Variants in SANBR observed in about 807,000 individuals in gnomAD.
SANBR encodes SANT and BTB domain regulator of CSR, also known as SANT and BTB domain regulator of class switch recombination.
In SANBR, 77 loss-of-function variants were observed where a neutral mutation model predicts 101.8. The ratio of observed to expected loss-of-function variants is 0.76; its 90% CI spans 0.63 to 0.91. The LOEUF is 0.91. SANBR is among the 40% of genes least tolerant of loss of function. SANBR has a pLI of 0.00. For missense variants in SANBR, 875 were observed against 853.0 expected (o/e 1.03, Z -0.32); for synonymous variants, 279 against 274.7 (o/e 1.02, Z -0.15).
intron 8 of SANBR, among the ~76,000 whole-genome samples, chr2:61,086,198 C>T (rs1220129337): frequency 6.6e-6 from 1 of 151,696 alleles, no homozygotes; most frequent in Non-Finnish European, 1.5e-5. Context: ...TCTTCTTGCT[C>T]AGTCACCCAA....
chr2:61,093,803 CA>C (rs1682895283), intron 11 of SANBR, among the ~76,000 whole-genome samples: 1 of 152,030 alleles, frequency 6.6e-6, no homozygotes, highest in Non-Finnish European at 1.5e-5. Flanking sequence ...ATTTTGTTCC[CA>C]AAAAGTTTTT....
intron 8 of SANBR, among the ~76,000 whole-genome samples, chr2:61,083,831 T>G (rs930246310): frequency 2.0e-5 from 3 of 149,904 alleles, no homozygotes; most frequent in Admixed American, 2.0e-4. Context: ...ATCACGCCAC[T>G]GCACTCCAGC....
chr2:61,094,022 G>A (rs566810123), intron 11 of SANBR: 14 of 907,068 alleles, frequency 1.5e-5, no homozygotes, highest in South Asian at 1.0e-4. Flanking sequence ...TGTCACTTGC[G>A]TAATGATTTT....
intron 12 of SANBR, among the ~76,000 whole-genome samples, chr2:61,100,727 AG>A (rs1220098544): frequency 9.2e-5 from 14 of 152,170 alleles, no homozygotes; most frequent in Non-Finnish European, 1.5e-5. Context: ...CCAGGGTTTG[AG>A]GGGAGTATGG....
Position 61,088,487 on chromosome 2 carries a change from A to G in SANBR, c.1088+19A>G. On this transcript the variant is annotated intron_variant, in intron 10 of 21. Coordinates refer to ENST00000402291, the MANE Select transcript of SANBR (RefSeq NM_001129993.3). Reference sequence around the variant, plus strand: ...ACATAAGGTGTCGTGAAGATAAAATACATACATGTATTTTTGTATATATAT... The same window carrying G: ...ACATAAGGTGTCGTGAAGATAAAATGCATACATGTATTTTTGTATATATAT... 1 of 1,472,582 alleles carries G rather than the reference A, an allele frequency of 6.8e-7. No individual in the cohort carries two copies. Among genetic ancestry groups the G allele is most frequent in the Non-Finnish European group, 9.3e-7 (1 of 1,073,616 alleles). 91.2% of individuals were successfully genotyped at this position (1,472,582 alleles called of 1,614,324 possible).
intron 1 of SANBR, among the ~76,000 whole-genome samples, chr2:61,067,099 C>T (rs1353313710): frequency 6.6e-6 from 1 of 152,106 alleles, no homozygotes; most frequent in African/African-American, 2.4e-5. Context: ...AAGGATTATC[C>T]ATCAATGCTA....
chr2:61,137,990 ATGTAT>A (rs1684898913), exon 22 of SANBR: 1 of 152,192 alleles, frequency 6.6e-6, no homozygotes, highest in African/African-American at 2.4e-5. Flanking sequence ...CTCAGTAGTA[ATGTAT>A]TCTATTAATC....
intron 11 of SANBR, 30 bp from the exon 12 acceptor site, chr2:61,097,670 A>T (rs752532999): frequency 2.7e-6 from 4 of 1,486,634 alleles, no homozygotes; most frequent in Non-Finnish European, 3.7e-6. Context: ...TTGTGGAAAT[A>T]GTAGTTGATT....
In SANBR at chr2:61,112,149, G is replaced by T. The variant is rs1036079088; in HGVS notation, c.1744+2853G>T. On this transcript the variant is annotated intron_variant, in intron 16 of 21. Coordinates refer to ENST00000402291, the MANE Select transcript of SANBR (RefSeq NM_001129993.3). ...AATTGTTTTGCAAAGTGGCCGTTTT[G>T]CATCTCTACAAGCAGTGGAGCAGTC... 2.6e-5 allele frequency among the ~76,000 whole-genome samples: 4 copies of T among 152,128 alleles called. No homozygotes were observed. In the South Asian group the frequency reaches 8.3e-4, roughly 32 times the overall value.
rs528247443 is a variant in SANBR, at chr2:61,077,389, A to G, written c.670+231A>G. Among the ~76,000 whole-genome samples the G allele has an allele frequency of 2.6e-5, 4 of 152,324 alleles. No homozygotes were observed. In the East Asian group the frequency reaches 7.7e-4, roughly 29 times the overall value. ...GTTCCCAATGTATGGTGTATGGACCAGTGGGATACTAGGGACCCTTTTAGA... is the reference window on the plus strand; with the variant it reads ...GTTCCCAATGTATGGTGTATGGACCGGTGGGATACTAGGGACCCTTTTAGA... On this transcript the variant is annotated intron_variant, in intron 6 of 21. Coordinates refer to ENST00000402291, the MANE Select transcript of SANBR (RefSeq NM_001129993.3).
chr2:61,109,357 C>A, intron 16 of SANBR, 61 bp downstream of exon 16: 2 of 928,766 alleles, frequency 2.2e-6, no homozygotes, highest in Non-Finnish European at 3.3e-6. Context: ...ATTCTGAAGC[C>A]TTTAATGCAA....
chr2:61,088,497 A>ATT (rs1410418240), intron 10 of SANBR, 29 bp downstream of exon 10: 1 of 1,301,540 alleles, frequency 7.7e-7, no homozygotes, highest in Admixed American at 2.2e-5. Context: ...ACATACATGT[A>ATT]TTTTTGTATA....
At chr2:61,114,024 A>T (rs547365178) in intron 16 of SANBR, among the ~76,000 whole-genome samples, 1 of 152,120 alleles carries the variant, frequency 6.6e-6, no homozygotes, top group East Asian at 1.9e-4. Context: ...TATTGTATCA[A>T]TTAGGTACAT....
chr2:61,080,109 A>G (rs1325124719), intron 6 of SANBR, among the ~76,000 whole-genome samples: 2 of 150,016 alleles, frequency 1.3e-5, no homozygotes, highest in African/African-American at 2.5e-5. Flanking sequence ...AGGCAGGAGA[A>G]TCGCTTGAAA....
In SANBR at chr2:61,121,174, T is replaced by A. The variant is rs1205869678; in HGVS notation, c.2029-11T>A. The A allele has an allele frequency of 6.5e-7, 1 of 1,542,388 alleles. No homozygotes were observed. The highest frequency in any genetic ancestry group is 8.8e-7 in the Non-Finnish European group (1 of 1,138,896). The stretch of plus-strand genomic sequence containing the variant: ...CTGTGAAGATAACAGTATTGCTTCT[T>A]TATTCTGCAGTTTGCAGGAGGTATT... On this transcript the variant is annotated splice_polypyrimidine_tract_variant and intron_variant, in intron 20 of 21. Coordinates refer to ENST00000402291, the MANE Select transcript of SANBR (RefSeq NM_001129993.3).
At chr2:61,086,323 C>G (rs1487883368) in intron 8 of SANBR, among the ~76,000 whole-genome samples, 1 of 151,300 alleles carries the variant, frequency 6.6e-6, no homozygotes, top group Non-Finnish European at 1.5e-5. Context: ...GCCACCATAC[C>G]CAACCTCTTT....
chr2:61,076,850 A>G, intron 5 of SANBR, 70 bp from the exon 6 acceptor site: 2 of 1,073,974 alleles, frequency 1.9e-6, no homozygotes, highest in Non-Finnish European at 2.8e-6. Context: ...TCCCTTCACT[A>G]AATGTCAGTA....
rs1684328491 is a variant in SANBR at position 61,121,460 on chromosome 2, A to G, written c.2120+184A>G. 8.8e-6 allele frequency: 4 copies of G among 457,108 alleles called. No individual in the cohort carries two copies. In the South Asian group the frequency reaches 1.1e-4, roughly 12 times the overall value. 28.3% of individuals were successfully genotyped at this position (457,108 alleles called of 1,614,324 possible). On this transcript the variant is annotated intron_variant, in intron 21 of 21. Coordinates refer to ENST00000402291, the MANE Select transcript of SANBR (RefSeq NM_001129993.3). ...ACTTAAAAGATAAAATCTAATGAAA[A>G]TATAGCTTTGTGGATTTTTTAAAGT... is the stretch of plus-strand genomic sequence containing the variant.
intron 20 of SANBR, among the ~76,000 whole-genome samples, chr2:61,133,238 C>G (rs1354379043): frequency 6.6e-6 from 1 of 151,836 alleles, no homozygotes; most frequent in East Asian, 1.9e-4. Context: ...GCCTGGGCAA[C>G]AGAGCAAGAC....
Sources: gnomAD v4.1 joint callset for allele counts (sites outside exome capture counted in the v4.1 genomes callset) on GRCh38, gnomAD v4.1.1 for gene constraint, MANE v1.5 for transcripts, NCBI Gene and HGNC (gene_info 2026-07-23, HGNC 2026-07-21) for gene names.